Variants in LRRC27 observed in about 807,000 individuals in gnomAD.
LRRC27 encodes leucine-rich repeat-containing protein 27.
LRRC27 carries 57 observed loss-of-function variants against 55.0 expected under a neutral mutation model. The observed-to-expected ratio is 1.04, with a 90% confidence interval of 0.84 to 1.29. The LOEUF (loss-of-function observed/expected upper bound fraction) is 1.29, where lower values mean the gene tolerates loss of function less well. Ranked by LOEUF, LRRC27 falls within the 50% of genes most tolerant of loss-of-function variation. LRRC27 has a pLI of 0.00. For missense variants in LRRC27, 721 were observed against 651.5 expected (o/e 1.11, Z -1.16); for synonymous variants, 278 against 251.9 (o/e 1.10, Z -0.98).
intron 2 of LRRC27, among the ~76,000 whole-genome samples, chr10:132,336,348 C>T (rs2067132193): frequency 1.3e-5 from 2 of 152,228 alleles, no homozygotes; most frequent in South Asian, 4.1e-4. Context: ...CACACTGTGA[C>T]CTGTGATTGC....
chr10:132,347,754 G>C (rs891575245), intron 5 of LRRC27, among the ~76,000 whole-genome samples: 1 of 152,186 alleles, frequency 6.6e-6, no homozygotes, highest in Non-Finnish European at 1.5e-5. Flanking sequence ...GCTTCTGGCA[G>C]TGTTGTTTCC....
At chr10:132,353,317 C>A (rs2068157500) in intron 7 of LRRC27, 6 of 1,147,798 alleles carry the variant, frequency 5.2e-6, no homozygotes, top group Non-Finnish European at 5.4e-6. Flanking sequence ...GCAGCCCGGC[C>A]CTGACTGGCA....
Position 132,378,550 on chromosome 10 carries a change from T to C in LRRC27, c.*3308T>C. The C allele has an allele frequency of 6.6e-6, 1 of 152,296 alleles. No homozygotes were observed. Among genetic ancestry groups the C allele is most frequent in the Middle Eastern group, 3.2e-3 (1 of 316 alleles). 9.4% of individuals were successfully genotyped at this position (152,296 alleles called of 1,614,324 possible). The stretch of plus-strand genomic sequence containing the variant: ...GTGCATATGTGAGTGTGTGTGGCTG[T>C]AACCTGCACGTCTCTTCTGTCATGT... On this transcript the variant is annotated 3_prime_UTR_variant, in exon 11 of 11. Coordinates refer to ENST00000368614, the MANE Select transcript of LRRC27 (RefSeq NM_030626.3).
intron 3 of LRRC27, among the ~76,000 whole-genome samples, chr10:132,339,002 G>A (rs919189212): frequency 1.1e-4 from 16 of 152,272 alleles, no homozygotes; most frequent in South Asian, 1.0e-3. Flanking sequence ...GAGCCCCCGC[G>A]CCCGGCTACC....
chr10:132,381,506 G>A lies in LRRC27; in HGVS notation c.*6264G>A, dbSNP rs1391072505. Among the ~76,000 whole-genome samples the A allele has an allele frequency of 2.6e-5, 4 of 152,200 alleles. No individual in the cohort carries two copies. Among genetic ancestry groups the A allele is most frequent in the Non-Finnish European group, 4.4e-5 (3 of 68,042 alleles). The stretch of plus-strand genomic sequence containing the variant: ...CTCCTTAATAAACTCCATTTCATAT[G>A]TATATATATCCTATTCTGTCCTTCT... On this transcript the variant is annotated 3_prime_UTR_variant, in exon 11 of 11. Coordinates refer to ENST00000368614, the MANE Select transcript of LRRC27 (RefSeq NM_030626.3).
At chr10:132,364,405 C>T (rs2068835393) in intron 9 of LRRC27, among the ~76,000 whole-genome samples, 1 of 69,020 alleles carries the variant, frequency 1.4e-5, no homozygotes, top group Non-Finnish European at 3.2e-5. Context: ...TTACATCTAC[C>T]TCCACACCCG....
rs371329971 is a variant in LRRC27 at position 132,358,306 on chromosome 10, G to A, written c.1170+2420G>A. Among the ~76,000 whole-genome samples the A allele has an allele frequency of 5.7e-5, 8 of 139,360 alleles. No individual in the cohort carries two copies. The South Asian group carries it at 9.4e-4, about 16-fold the overall frequency. The allele number at this position is 139,360 out of a possible 152,430, so 91.4% of individuals were successfully genotyped here. On this transcript the variant is annotated intron_variant, in intron 8 of 10. Transcript: ENST00000368614. ...CAGGAAGGAGCCGAGGTGGTGGAGC[G>A]TGGGGAGGAGCCGAGGTGATGGAGC... is the stretch of plus-strand genomic sequence containing the variant.
chr10:132,364,387 A>G (rs2068827675), intron 9 of LRRC27, among the ~76,000 whole-genome samples: 2 of 128,500 alleles, frequency 1.6e-5, no homozygotes, highest in African/African-American at 3.2e-5. Flanking sequence ...CCACACTTAC[A>G]CCCACCCTTA....
intron 9 of LRRC27, among the ~76,000 whole-genome samples, chr10:132,365,104 G>T (rs1334792212): frequency 2.0e-5 from 3 of 152,272 alleles, no homozygotes; most frequent in Non-Finnish European, 4.4e-5. Context: ...ATGTGGTGCA[G>T]TGTGCAGTGT....
intron 10 of LRRC27, among the ~76,000 whole-genome samples, chr10:132,370,668 C>T (rs934389972): frequency 1.3e-5 from 2 of 152,218 alleles, no homozygotes; most frequent in African/African-American, 4.8e-5. Flanking sequence ...TGGCAGGCTC[C>T]GTGCCGCCTG....
chr10:132,375,913 TGCTCTGTCTGCCCAG>T lies in LRRC27; in HGVS notation c.*675_*689del, dbSNP rs1222453264. The T allele has an allele frequency of 1.3e-5, 2 of 152,314 alleles. No individual in the cohort carries two copies. The highest frequency in any genetic ancestry group is 4.8e-5 in the African/African-American group (2 of 41,470). 9.4% of individuals were successfully genotyped at this position (152,314 alleles called of 1,614,324 possible). On this transcript the variant is annotated 3_prime_UTR_variant, in exon 11 of 11. Transcript: ENST00000368614. ...CCCATGCTAGATCAGCCGTATTTCA[TGCTCTGTCTGCCCAG>T]GCTGTGTAGATTCTGTGTGACTTAG...
At position 132,377,714 on chromosome 10, in the gene LRRC27, A is replaced by G. The variant is rs1458180682; in HGVS notation, c.*2472A>G. On this transcript the variant is annotated 3_prime_UTR_variant, in exon 11 of 11. Coordinates refer to ENST00000368614, the MANE Select transcript of LRRC27 (RefSeq NM_030626.3). ...AACTTTTTTTTAAGTATTTCTTTGT[A>G]TCATGGTTATGCTTTGACTGGCCGT... 6.6e-6 allele frequency: 1 copy of G among 152,078 alleles called. No homozygotes were observed. The highest frequency in any genetic ancestry group is 2.4e-5 in the African/African-American group (1 of 41,394). The allele number at this position is 152,078 out of a possible 1,614,324, so 9.4% of individuals were successfully genotyped here.
rs2068015463 is a variant in LRRC27, at chr10:132,351,615, C to T, written c.935C>T (p.Thr312Ile). 1.9e-6 allele frequency: 3 copies of T among 1,612,014 alleles called. No homozygotes were observed. In the South Asian group the frequency reaches 3.3e-5, roughly 18 times the overall value. ...ACACTCTGTAATTTTAGAAGGAAGA[C>T]AGCCTCCTCCAGGAGCATCTTACCC... ...PKPRHVFRRKTASSRSILPDL... is the reference protein window; with the variant it reads ...PKPRHVFRRKIASSRSILPDL... Residue 312 changes from threonine (T) to isoleucine (I), a missense_variant, in exon 7 of 11, where the codon ACA (threonine) becomes ATA (isoleucine). Physicochemically the swap from Thr to Ile is moderately conservative, Grantham distance 89. Transcript: ENST00000368614.
chr10:132,355,778 C>T lies in LRRC27; in HGVS notation c.1074-12C>T. On this transcript the variant is annotated splice_polypyrimidine_tract_variant and intron_variant, in intron 7 of 10. Transcript: ENST00000368614. Reference sequence around the variant, plus strand: ...GCCTGTAACTTATGACATTAACCTTCCCTTTCTCCAGAGAGAAAAGGGCAC... The same window carrying T: ...GCCTGTAACTTATGACATTAACCTTTCCTTTCTCCAGAGAGAAAAGGGCAC... The T allele has an allele frequency of 1.3e-6, 2 of 1,542,080 alleles. No individual in the cohort carries two copies. The highest frequency in any genetic ancestry group is 8.8e-7 in the Non-Finnish European group (1 of 1,138,474).
chr10:132,365,525 G>C lies in LRRC27; in HGVS notation c.1391G>C (p.Arg464Thr). 2 of 1,613,608 alleles carry C rather than the reference G, an allele frequency of 1.2e-6. No individual in the cohort carries two copies. Among genetic ancestry groups the C allele is most frequent in the South Asian group, 1.1e-5 (1 of 91,080 alleles). The change falls in exon 10 of 11, where the codon AGG (arginine) becomes ACG (threonine). Residue 464 changes from arginine to threonine, a missense_variant. Transcript: ENST00000368614. ...FHGQAPLEEM[R>T]KAAEDLEIAT... ...GGCCAGGCCCCACTGGAGGAGATGA[G>C]GAAGGCTGCCGAGGATCTGGAAATT...
chr10:132,379,271 T>G lies in LRRC27; in HGVS notation c.*4029T>G, dbSNP rs935015051. 1 of 142,332 alleles carries G rather than the reference T, an allele frequency of 7.0e-6. No individual in the cohort carries two copies. The highest frequency in any genetic ancestry group is 7.1e-5 in the Admixed American group (1 of 14,068). 8.8% of individuals were successfully genotyped at this position (142,332 alleles called of 1,614,324 possible). ...CATCCTGCTCCTCTCCAGAGTTTCC[T>G]CTCACCTCCGTGTTCTCAGGGAGTG... On this transcript the variant is annotated 3_prime_UTR_variant, in exon 11 of 11. Transcript: ENST00000368614.
chr10:132,330,205 T>C (rs1452814977), upstream of LRRC27: 1 of 520,794 alleles, frequency 1.9e-6, no homozygotes, highest in Non-Finnish European at 3.5e-6. Flanking sequence ...TACAATTAAC[T>C]ACTGACTACA....
intron 10 of LRRC27, chr10:132,366,488 A>G (rs2069086849): frequency 6.4e-6 from 1 of 157,214 alleles, no homozygotes; most frequent in Admixed American, 6.5e-5. Context: ...TGTGGGAGAG[A>G]CGCAGGAATG....
rs187955853 is a variant in LRRC27 at position 132,337,309 on chromosome 10, C to T, written c.211-256C>T. On this transcript the variant is annotated intron_variant, in intron 2 of 10. Transcript: ENST00000368614. ...GGATAGAAACAGTGGTGTGCTGGGTCAGCAGCAGAGTGCCGGCTCTTCAGG... is the reference window on the plus strand; with the variant it reads ...GGATAGAAACAGTGGTGTGCTGGGTTAGCAGCAGAGTGCCGGCTCTTCAGG... 1,340 of 1,293,306 alleles carry T rather than the reference C, an allele frequency of 1.0e-3. 14 individuals carry two copies. In the African/African-American group the frequency reaches 0.018, roughly 18 times the overall value. 80.1% of individuals were successfully genotyped at this position (1,293,306 alleles called of 1,614,324 possible).
Sources: gnomAD v4.1 joint callset for allele counts (sites outside exome capture counted in the v4.1 genomes callset) on GRCh38, gnomAD v4.1.1 for gene constraint, MANE v1.5 for transcripts, NCBI Gene and HGNC (gene_info 2026-07-23, HGNC 2026-07-21) for gene names.